The following SP3 variants were observed in gnomAD, a reference collection of about 807,000 sequenced individuals.
SP3 encodes Sp3 transcription factor.
SP3 carries 10 observed loss-of-function variants against 70.3 expected under a neutral mutation model. That is an observed-to-expected ratio of 0.14 (90% CI 0.09 to 0.24). The LOEUF is 0.24. Among genes scored for constraint, SP3 ranks in the 10% least tolerant of loss-of-function variants. The pLI is 1.00. For missense variants in SP3, 825 were observed against 914.6 expected, an observed-to-expected ratio of 0.90 and a Z score of 1.26; for synonymous variants, 402 against 333.5, an observed-to-expected ratio of 1.21 and a Z score of -2.24.
intron 4 of SP3, among the ~76,000 whole-genome samples, chr2:173,919,003 A>G (rs527727112): frequency 4.6e-5 from 7 of 152,324 alleles, no homozygotes; most frequent in South Asian, 4.1e-4. Flanking sequence ...AGTAGAATTA[A>G]TAACATTAAT....
chr2:173,916,804 CAA>C (rs1689628191), intron 5 of SP3: 1 of 152,046 alleles, frequency 6.6e-6, no homozygotes, highest in East Asian at 1.9e-4. Context: ...GACAAATGTG[CAA>C]AGACATACGT....
At chr2:173,926,269 G>A (rs1375732068) in intron 4 of SP3, among the ~76,000 whole-genome samples, 3 of 151,932 alleles carry the variant, frequency 2.0e-5, no homozygotes, top group East Asian at 1.9e-4. Flanking sequence ...ACCAATGAAG[G>A]AAACATACAA....
chr2:173,910,366 C>A, intron 6 of SP3, 109 bp from the exon 7 acceptor site: 1 of 792,690 alleles, frequency 1.3e-6, no homozygotes. Flanking sequence ...AGGATGGGAG[C>A]AGGGGTCTAT....
chr2:173,921,105 T>C (rs1689739694), intron 4 of SP3, among the ~76,000 whole-genome samples: 1 of 152,218 alleles, frequency 6.6e-6, no homozygotes, highest in Non-Finnish European at 1.5e-5. Flanking sequence ...ATTTTCTGAA[T>C]GCATATTGTA....
At chr2:173,927,008 GA>G (rs557217702) in intron 4 of SP3, among the ~76,000 whole-genome samples, 1 of 152,212 alleles carries the variant, frequency 6.6e-6, no homozygotes, top group East Asian at 1.9e-4. Context: ...GAGGCCTCAG[GA>G]AACTTACAAT....
intron 1 of SP3, 124 bp downstream of exon 1, chr2:173,965,041 C>T (rs1282256708): frequency 2.1e-5 from 28 of 1,304,670 alleles, no homozygotes; most frequent in Non-Finnish European, 2.9e-5. Context: ...CAGCTTTCTG[C>T]CTCTCACAGA....
chr2:173,954,001 C>T (rs1559107695), intron 4 of SP3, among the ~76,000 whole-genome samples: 2 of 152,162 alleles, frequency 1.3e-5, no homozygotes, highest in Non-Finnish European at 2.9e-5. Flanking sequence ...TTATGTCAAT[C>T]AGTTCAGTTA....
intron 4 of SP3, among the ~76,000 whole-genome samples, chr2:173,950,213 G>A (rs1316655775): frequency 6.6e-6 from 1 of 151,710 alleles, no homozygotes; most frequent in African/African-American, 2.4e-5. Flanking sequence ...AGGGAACAAA[G>A]TCAGACTTAC....
At chr2:173,953,446 C>T (rs1460554188) in intron 4 of SP3, among the ~76,000 whole-genome samples, 5 of 152,022 alleles carry the variant, frequency 3.3e-5, no homozygotes, top group Admixed American at 3.3e-4. Context: ...CTTTGGGAGA[C>T]CCACACCTGT....
Position 173,955,511 on chromosome 2 carries a change from G to A in SP3, c.1001C>T (p.Ser334Phe). 2 of 1,614,094 alleles carry A rather than the reference G, an allele frequency of 1.2e-6. No homozygotes were observed. Among genetic ancestry groups the A allele is most frequent in the Non-Finnish European group, 1.7e-6 (2 of 1,180,030 alleles). ...NTDTDLFVPT[S>F]SSSQLPVTID... ...CGTAACAGGCAACTGTGATGAAGAG[G>A]ATGTTGGCACAAATAAATCTGTATC... is the stretch of plus-strand genomic sequence containing the variant. The change falls in exon 4 of 7, where the codon TCC becomes TTC. Residue 334 changes from serine (S) to phenylalanine (F), a missense_variant. Around this residue, in one of 4 missense-constraint regions of SP3, gnomAD observed 678 missense variants for 651.6 expected, o/e 1.04. Coordinates refer to ENST00000310015, the MANE Select transcript of SP3 (RefSeq NM_003111.5).
At chr2:173,948,379 G>T (rs1030995129) in intron 4 of SP3, among the ~76,000 whole-genome samples, 3 of 151,948 alleles carry the variant, frequency 2.0e-5, no homozygotes, top group Non-Finnish European at 4.4e-5. Flanking sequence ...ATCCCACCTG[G>T]GACATGAATC....
At position 173,918,576 on chromosome 2, in the gene SP3, G is replaced by A. The variant is rs775346899; in HGVS notation, c.1832+17C>T. ...TTAGCACTCTTAAAAATATATATGTGTTTCATGTATGCATACCTTCCACCA... is the reference window on the plus strand; with the variant it reads ...TTAGCACTCTTAAAAATATATATGTATTTCATGTATGCATACCTTCCACCA... On this transcript the variant is annotated intron_variant, in intron 5 of 6. Transcript: ENST00000310015. 1 of 1,607,470 alleles carries A rather than the reference G, an allele frequency of 6.2e-7. No homozygotes were observed. Among genetic ancestry groups the A allele is most frequent in the East Asian group, 2.2e-5 (1 of 44,810 alleles).
At chr2:173,936,507 T>C (rs1006124283) in intron 4 of SP3, among the ~76,000 whole-genome samples, 4 of 152,236 alleles carry the variant, frequency 2.6e-5, no homozygotes, top group South Asian at 2.1e-4. Context: ...ACCATACTTA[T>C]TCAAATGTGT....
At chr2:173,938,621 C>T (rs1317108837) in intron 4 of SP3, among the ~76,000 whole-genome samples, 1 of 151,602 alleles carries the variant, frequency 6.6e-6, no homozygotes, top group African/African-American at 2.4e-5. Context: ...CAATGACTGC[C>T]CAATCCCAAA....
At chr2:173,959,773 TA>T (rs1691005467) in intron 3 of SP3, among the ~76,000 whole-genome samples, 1 of 151,842 alleles carries the variant, frequency 6.6e-6, no homozygotes, top group Admixed American at 6.6e-5. Context: ...AAAATAAAAA[TA>T]AAAAAAATTA....
chr2:173,932,001 G>T (rs773132101), intron 4 of SP3, among the ~76,000 whole-genome samples: 7 of 152,154 alleles, frequency 4.6e-5, no homozygotes, highest in Non-Finnish European at 7.3e-5. Flanking sequence ...TTTCCTTCAA[G>T]AACTTTTCCT....
chr2:173,920,690 A>G (rs1184140744), intron 4 of SP3, among the ~76,000 whole-genome samples: 2 of 152,002 alleles, frequency 1.3e-5, no homozygotes. Flanking sequence ...TCCCGGATTC[A>G]AGTGATTCTC....
At chr2:173,945,373 T>C (rs1264063462) in intron 4 of SP3, among the ~76,000 whole-genome samples, 13 of 152,166 alleles carry the variant, frequency 8.5e-5, no homozygotes, top group Admixed American at 5.2e-4. Flanking sequence ...AGTTTCTAAA[T>C]TGTTATACTA....
rs182556524 is a variant in SP3, at chr2:173,902,322, C to T, written c.*7619G>A. Among the ~76,000 whole-genome samples the T allele has an allele frequency of 1.8e-3, 279 of 152,192 alleles. No homozygotes were observed. Among genetic ancestry groups the T allele is most frequent in the Non-Finnish European group, 2.9e-3 (194 of 68,010 alleles). ...TATTCATTGGAAAAAACATATCTGC[C>T]AAGGCAGGATTGGGAGGGTATGGAA... On this transcript the variant is annotated 3_prime_UTR_variant, in exon 7 of 7. Coordinates refer to ENST00000310015, the MANE Select transcript of SP3 (RefSeq NM_003111.5).
Sources: gnomAD v4.1 joint callset for allele counts (sites outside exome capture counted in the v4.1 genomes callset) on GRCh38, gnomAD v4.1.1 for gene constraint, gnomAD v4.1.1 regional missense constraint, MANE v1.5 for transcripts, NCBI Gene and HGNC (gene_info 2026-07-23, HGNC 2026-07-21) for gene names.